SPINK8: variants seen among roughly 807,000 people sequenced by gnomAD.
SPINK8 encodes the protein serine protease inhibitor Kazal-type 8.
In SPINK8, 12 loss-of-function variants were observed where a neutral mutation model predicts 14.4. The ratio of observed to expected loss-of-function variants is 0.83; its 90% CI spans 0.53 to 1.35. SPINK8 has a LOEUF of 1.35. SPINK8 is among the 40% of genes most tolerant of loss of function. The pLI is 0.00. For synonymous variants in SPINK8, 32 were observed against 37.6 expected (o/e 0.85, Z 0.55); for missense variants, 103 against 117.0 (o/e 0.88, Z 0.55).
At chr3:48,315,002 C>A (rs2035967317) in intron 6 of SPINK8, among the ~76,000 whole-genome samples, 1 of 152,180 alleles carries the variant, frequency 6.6e-6, no homozygotes, top group African/African-American at 2.4e-5. Context: ...TGAGTAGAGA[C>A]ATGCCTCAGT....
At chr3:48,327,341 A>C (rs2036159836) in intron 4 of SPINK8, among the ~76,000 whole-genome samples, 1 of 152,238 alleles carries the variant, frequency 6.6e-6, no homozygotes, top group Non-Finnish European at 1.5e-5. Context: ...GTGTTCTATC[A>C]ACCGAACTTA....
intron 6 of SPINK8, among the ~76,000 whole-genome samples, chr3:48,313,212 C>CG (rs1377514368): frequency 1.3e-5 from 2 of 152,094 alleles, no homozygotes; most frequent in East Asian, 3.9e-4. Context: ...CCTATAGAAT[C>CG]GGGGGAGAAA....
chr3:48,323,947 T>G (rs1442822300), intron 4 of SPINK8, among the ~76,000 whole-genome samples: 1 of 151,402 alleles, frequency 6.6e-6, no homozygotes, highest in African/African-American at 2.4e-5. Flanking sequence ...TTTTTTTTTT[T>G]GAGGTCTATT....
chr3:48,331,652 T>G (rs2036263261), intron 2 of SPINK8, among the ~76,000 whole-genome samples: 1 of 152,238 alleles, frequency 6.6e-6, no homozygotes, highest in Admixed American at 6.5e-5. Flanking sequence ...TAATGGCCCC[T>G]GTTTTTGCTA....
chr3:48,325,353 C>T (rs2036124263), intron 4 of SPINK8, among the ~76,000 whole-genome samples: 1 of 151,086 alleles, frequency 6.6e-6, no homozygotes, highest in Non-Finnish European at 1.5e-5. Flanking sequence ...TGTATGTCTC[C>T]TTTTTTCTCA....
At chr3:48,319,429 C>A in intron 6 of SPINK8, 68 bp downstream of exon 6, 2 of 1,588,646 alleles carry the variant, frequency 1.3e-6, no homozygotes, top group South Asian at 2.3e-5. Context: ...GGGCTGAGGT[C>A]ATCACCCTCT....
At chr3:48,322,697 C>T (rs1469658203) in intron 4 of SPINK8, among the ~76,000 whole-genome samples, 4 of 152,126 alleles carry the variant, frequency 2.6e-5, no homozygotes, top group Admixed American at 1.3e-4. Flanking sequence ...AGTCATGCAA[C>T]GAAGTATATG....
intron 4 of SPINK8, among the ~76,000 whole-genome samples, chr3:48,321,542 C>T (rs1471898415): frequency 6.6e-6 from 1 of 150,800 alleles, no homozygotes; most frequent in Non-Finnish European, 1.5e-5. Flanking sequence ...GTTATCAACT[C>T]TCATATATAT....
chr3:48,330,248 G>A (rs967677689), intron 2 of SPINK8, among the ~76,000 whole-genome samples: 2 of 152,168 alleles, frequency 1.3e-5, no homozygotes, highest in African/African-American at 4.8e-5. Flanking sequence ...GCTGGGTACT[G>A]TGGCTCAAGC....
rs1048791929 is a variant in SPINK8, at chr3:48,319,394, G to A, written c.239+103C>T. The stretch of plus-strand genomic sequence containing the variant: ...ATACTGGAGGAATGTCTGGAGAGAA[G>A]GTCTCATTGGATGATGTAGGAAGTG... On this transcript the variant is annotated intron_variant, in intron 6 of 7. Coordinates refer to ENST00000434006, the MANE Select transcript of SPINK8 (RefSeq NM_001080525.3). 4.6e-6 allele frequency: 6 copies of A among 1,314,348 alleles called. No homozygotes were observed. In the African/African-American group the frequency reaches 8.7e-5, roughly 19 times the overall value. 81.4% of individuals were successfully genotyped at this position (1,314,348 alleles called of 1,614,324 possible).
chr3:48,319,913 G>A (rs1333184704), intron 5 of SPINK8, among the ~76,000 whole-genome samples: 1 of 152,094 alleles, frequency 6.6e-6, no homozygotes, highest in Non-Finnish European at 1.5e-5. Context: ...GGAGTCCGAG[G>A]TGGGTGGATC....
intron 4 of SPINK8, among the ~76,000 whole-genome samples, chr3:48,321,352 C>T (rs889109555): frequency 2.0e-5 from 3 of 151,946 alleles, no homozygotes; most frequent in Non-Finnish European, 2.9e-5. Flanking sequence ...TAAACATGCT[C>T]TAAGTTACAA....
At chr3:48,313,306 A>G (rs1266251043) in intron 6 of SPINK8, among the ~76,000 whole-genome samples, 1 of 152,196 alleles carries the variant, frequency 6.6e-6, no homozygotes, top group Non-Finnish European at 1.5e-5. Flanking sequence ...ATTTTTAAAA[A>G]TGGGCAAAGG....
intron 4 of SPINK8, 105 bp downstream of exon 4, chr3:48,328,170 T>C (rs964328532): frequency 2.4e-6 from 2 of 817,752 alleles, no homozygotes; most frequent in Admixed American, 5.9e-5. Context: ...CATGAGAAAT[T>C]AGGATTAAAT....
chr3:48,320,978 G>T (rs758491433), intron 5 of SPINK8, 47 bp downstream of exon 5: 6 of 1,557,160 alleles, frequency 3.9e-6, no homozygotes, highest in East Asian at 2.3e-5. Context: ...GGGCAAACTG[G>T]CTCTCTCCCC....
chr3:48,306,994 A>G lies in SPINK8; in HGVS notation c.292T>C (p.Ter98ArgextTer7), dbSNP rs1206095888. The G allele has an allele frequency of 6.2e-7, 1 of 1,613,286 alleles. No homozygotes were observed. Among genetic ancestry groups the G allele is most frequent in the Non-Finnish European group, 8.5e-7 (1 of 1,179,638 alleles). ...KLYDGQCENS[*>R] ...TTTTATAATTCTTTGTCGTACGTTCAAGAGTTTTCCTGCAAGAGAAGTATC... is the reference window on the plus strand; with the variant it reads ...TTTTATAATTCTTTGTCGTACGTTCGAGAGTTTTCCTGCAAGAGAAGTATC... Residue 98 changes from the stop codon to arginine, a stop_lost, in exon 8 of 8, where the codon TGA (stop) becomes CGA (arginine). Coordinates refer to ENST00000434006, the MANE Select transcript of SPINK8 (RefSeq NM_001080525.3).
intron 4 of SPINK8, among the ~76,000 whole-genome samples, chr3:48,322,042 C>T (rs1029507863): frequency 5.3e-5 from 8 of 152,024 alleles, no homozygotes; most frequent in African/African-American, 1.7e-4. Context: ...TCTGGAATTC[C>T]TGGGCTTAAG....
intron 6 of SPINK8, among the ~76,000 whole-genome samples, chr3:48,311,140 G>A (rs547381904): frequency 1.1e-4 from 16 of 151,802 alleles, no homozygotes; most frequent in African/African-American, 3.9e-4. Context: ...AACACTGCAT[G>A]ATAATACTAA....
intron 2 of SPINK8, among the ~76,000 whole-genome samples, 59 bp downstream of exon 2, chr3:48,332,307 A>C (rs2036276288): frequency 6.6e-6 from 1 of 152,156 alleles, no homozygotes; most frequent in African/African-American, 2.4e-5. Context: ...GTTTTGTTCC[A>C]GGCCTAAGGC....
Sources: gnomAD v4.1 joint callset for allele counts (sites outside exome capture counted in the v4.1 genomes callset) on GRCh38, gnomAD v4.1.1 for gene constraint, MANE v1.5 for transcripts, NCBI Gene and HGNC (gene_info 2026-07-23, HGNC 2026-07-21) for gene names.